The following CNTNAP5 variants were observed in gnomAD, a reference collection of about 807,000 sequenced individuals.
CNTNAP5 encodes the protein contactin associated protein family member 5, also known as contactin-associated protein-like 5.
In CNTNAP5, 72 loss-of-function variants were observed where a neutral mutation model predicts 150.2. The observed-to-expected ratio is 0.48, with a 90% CI of 0.40 to 0.58. The LOEUF (loss-of-function observed/expected upper bound fraction) is 0.58, where lower values mean the gene tolerates loss of function less well. Ranked by LOEUF, CNTNAP5 falls within the 20% of genes least tolerant of loss-of-function variation. CNTNAP5 has a pLI of 0.00. For missense variants in CNTNAP5, 1,636 were observed against 1,626.2 expected (o/e 1.01, Z -0.10); for synonymous variants, 672 against 619.8 (o/e 1.08, Z -1.25).
chr2:124,866,424 G>A (rs1184182708), intron 20 of CNTNAP5, among the ~76,000 whole-genome samples: 5 of 152,188 alleles, frequency 3.3e-5, no homozygotes, highest in East Asian at 1.9e-4. Flanking sequence ...GGGCAAAGAG[G>A]AAATCATAAT....
Position 124,467,235 on chromosome 2 carries a change from G to A in CNTNAP5, c.919-7504G>A, listed in dbSNP as rs978420216. On this transcript the variant is annotated intron_variant, in intron 6 of 23. Transcript: ENST00000682447. ...TGTGTTGCAGTTCCAACATGCAGAG[G>A]CCCTAGAGCCTGGTTGAGGAAGATG... 2.0e-5 allele frequency among the ~76,000 whole-genome samples: 3 copies of A among 152,156 alleles called. No homozygotes were observed. In the East Asian group the frequency reaches 5.8e-4, roughly 29 times the overall value.
At chr2:124,333,460 A>C (rs1470230178) in intron 3 of CNTNAP5, among the ~76,000 whole-genome samples, 2 of 152,284 alleles carry the variant, frequency 1.3e-5, no homozygotes, top group South Asian at 2.1e-4. Flanking sequence ...GAAAGAACAT[A>C]AGTTTTTCCA....
intron 1 of CNTNAP5, among the ~76,000 whole-genome samples, chr2:124,179,117 T>C (rs1056913164): frequency 6.6e-6 from 1 of 151,752 alleles, no homozygotes; most frequent in Non-Finnish European, 1.5e-5. Context: ...TGCATTCTCA[T>C]GTACCTGCAC....
intron 3 of CNTNAP5, among the ~76,000 whole-genome samples, chr2:124,408,487 T>G (rs1274417272): frequency 2.6e-5 from 4 of 152,092 alleles, no homozygotes; most frequent in Non-Finnish European, 5.9e-5. Flanking sequence ...TGTCTCTGTC[T>G]GACAGCTTTG....
intron 1 of CNTNAP5, among the ~76,000 whole-genome samples, chr2:124,109,630 C>G (rs1457013286): frequency 6.6e-6 from 1 of 152,174 alleles, no homozygotes; most frequent in East Asian, 1.9e-4. Flanking sequence ...GACAGGGCAT[C>G]TGTCAGGTAG....
intron 3 of CNTNAP5, among the ~76,000 whole-genome samples, chr2:124,331,721 A>T (rs528252302): frequency 2.0e-5 from 3 of 151,952 alleles, no homozygotes; most frequent in South Asian, 4.2e-4. Context: ...AATAGATGTT[A>T]AAAAAAATTA....
chr2:124,563,540 C>T (rs1349035507), intron 11 of CNTNAP5, among the ~76,000 whole-genome samples: 2 of 152,310 alleles, frequency 1.3e-5, no homozygotes, highest in African/African-American at 4.8e-5. Context: ...ACCAGCAAGA[C>T]AGGCAGGAAA....
chr2:124,704,295 A>T (rs1166358353), intron 13 of CNTNAP5, among the ~76,000 whole-genome samples: 1 of 152,194 alleles, frequency 6.6e-6, no homozygotes, highest in East Asian at 1.9e-4. Flanking sequence ...TGCCATCTGG[A>T]CAAGTAGATC....
intron 13 of CNTNAP5, among the ~76,000 whole-genome samples, chr2:124,694,185 G>A (rs1679357470): frequency 1.3e-5 from 2 of 152,064 alleles, no homozygotes; most frequent in African/African-American, 4.8e-5. Context: ...ATGCTTTCAG[G>A]CCTAGGTAGT....
intron 3 of CNTNAP5, among the ~76,000 whole-genome samples, chr2:124,318,266 G>A (rs573269500): frequency 1.3e-5 from 2 of 152,296 alleles, no homozygotes; most frequent in East Asian, 3.9e-4. Flanking sequence ...TAGAAGAGCT[G>A]AATTTTTTAA....
At chr2:124,138,432 A>G (rs1684028545) in intron 1 of CNTNAP5, among the ~76,000 whole-genome samples, 1 of 152,246 alleles carries the variant, frequency 6.6e-6, no homozygotes, top group Admixed American at 6.5e-5. Flanking sequence ...AGCAGCATGC[A>G]GAGAAGTTAG....
chr2:124,317,361 T>G (rs1688993384), intron 3 of CNTNAP5, among the ~76,000 whole-genome samples: 1 of 152,118 alleles, frequency 6.6e-6, no homozygotes, highest in South Asian at 2.1e-4. Flanking sequence ...TTTAAGCAAA[T>G]TTTCACGTCA....
At chr2:124,793,515 C>G (rs57884888) in intron 18 of CNTNAP5, among the ~76,000 whole-genome samples, 3 of 152,040 alleles carry the variant, frequency 2.0e-5, no homozygotes, top group East Asian at 1.9e-4. Flanking sequence ...TTTTGAAACA[C>G]TAAATTTTAA....
chr2:124,679,518 A>G (rs1679017770), intron 13 of CNTNAP5, among the ~76,000 whole-genome samples: 1 of 151,692 alleles, frequency 6.6e-6, no homozygotes, highest in Non-Finnish European at 1.5e-5. Context: ...ACTAATTATG[A>G]TAAGTGACAG....
chr2:124,303,812 G>A (rs561963378), intron 3 of CNTNAP5, among the ~76,000 whole-genome samples: 4 of 152,180 alleles, frequency 2.6e-5, no homozygotes, highest in African/African-American at 7.2e-5. Flanking sequence ...GAGGGGCATC[G>A]CTTGAGGCCA....
intron 13 of CNTNAP5, among the ~76,000 whole-genome samples, chr2:124,653,880 G>A (rs1046835841): frequency 6.8e-6 from 1 of 147,464 alleles, no homozygotes; most frequent in Non-Finnish European, 1.5e-5. Flanking sequence ...CTTGTAGTAG[G>A]GAAGACAGAA....
chr2:124,504,297 T>A lies in CNTNAP5; in HGVS notation c.1068T>A (p.Asn356Lys), dbSNP rs776063263. ...TGACTTTTATTGTTTTCCAGGGCAA[T>A]GTCACTTTTTCCTGCTCCGAACCAC... ...RRKHQIYTVG[N>K]VTFSCSEPQI... Residue 356 changes from asparagine to lysine, a missense_variant, in exon 8 of 24, where the codon AAT becomes AAA. Transcript: ENST00000682447. The A allele has an allele frequency of 6.2e-7, 1 of 1,610,662 alleles. No individual in the cohort carries two copies. The highest frequency in any genetic ancestry group is 1.1e-5 in the South Asian group (1 of 91,046).
chr2:124,813,154 G>A (rs1040525961), intron 19 of CNTNAP5, among the ~76,000 whole-genome samples: 2 of 151,568 alleles, frequency 1.3e-5, no homozygotes, highest in Non-Finnish European at 2.9e-5. Flanking sequence ...TCGGCTCACT[G>A]CAAGCTCCAC....
intron 3 of CNTNAP5, among the ~76,000 whole-genome samples, chr2:124,381,107 C>G (rs187888641): frequency 6.6e-6 from 1 of 151,980 alleles, no homozygotes; most frequent in Admixed American, 6.6e-5. Context: ...GGGAACTTGA[C>G]GTGGGAACTA....
Sources: gnomAD v4.1 joint callset for allele counts (sites outside exome capture counted in the v4.1 genomes callset) on GRCh38, gnomAD v4.1.1 for gene constraint, MANE v1.5 for transcripts, NCBI Gene and HGNC (gene_info 2026-07-23, HGNC 2026-07-21) for gene names.